The following DLGAP2 variants were observed in gnomAD, a reference collection of about 807,000 sequenced individuals.
DLGAP2 encodes the protein disks large-associated protein 2.
In DLGAP2, 26 loss-of-function variants were observed where a neutral mutation model predicts 100.3. The observed-to-expected ratio is 0.26, with a 90% CI of 0.19 to 0.36. DLGAP2 has a LOEUF of 0.36. Among genes scored for constraint, DLGAP2 ranks in the 10% least tolerant of loss-of-function variants. The pLI is 1.00. For missense variants in DLGAP2, 1,858 were observed against 1,453.2 expected, an observed-to-expected ratio of 1.28 and a Z score of -4.53; for synonymous variants, 886 against 630.1, an observed-to-expected ratio of 1.41 and a Z score of -6.08.
At chr8:786,247 G>A (rs1029909688) in intron 1 of DLGAP2, among the ~76,000 whole-genome samples, 8 of 152,122 alleles carry the variant, frequency 5.3e-5, no homozygotes, top group Non-Finnish European at 1.2e-4. Flanking sequence ...TGGTGTGTGG[G>A]GCGCCTCCGA....
chr8:803,869 C>T (rs1197461557), intron 1 of DLGAP2, among the ~76,000 whole-genome samples: 11 of 152,150 alleles, frequency 7.2e-5, no homozygotes, highest in Non-Finnish European at 1.5e-5. Context: ...TTGCTAGCAC[C>T]AGGAAGGAAC....
chr8:1,326,953 C>T (rs1801036410), intron 3 of DLGAP2, among the ~76,000 whole-genome samples: 1 of 152,184 alleles, frequency 6.6e-6, no homozygotes, highest in African/African-American at 2.4e-5. Context: ...GCTCTTTAGC[C>T]AGCATAAAAT....
At chr8:821,929 T>C (rs1465752062) in intron 1 of DLGAP2, among the ~76,000 whole-genome samples, 1 of 152,266 alleles carries the variant, frequency 6.6e-6, no homozygotes, top group Non-Finnish European at 1.5e-5. Context: ...GTGATTTTTA[T>C]ATACAGTTTC....
intron 3 of DLGAP2, among the ~76,000 whole-genome samples, chr8:1,308,814 C>T (rs545833718): frequency 2.1e-4 from 32 of 152,194 alleles, no homozygotes; most frequent in African/African-American, 7.2e-4. Context: ...CATGAGCCAC[C>T]GTGCCTGGCC....
intron 2 of DLGAP2, among the ~76,000 whole-genome samples, chr8:998,813 C>T (rs945442689): frequency 1.3e-5 from 2 of 152,180 alleles, no homozygotes; most frequent in African/African-American, 2.4e-5. Flanking sequence ...TCACTGTCCT[C>T]ATAACAGCAG....
At chr8:1,654,712 T>G (rs992272800) in intron 8 of DLGAP2, among the ~76,000 whole-genome samples, 2 of 151,192 alleles carry the variant, frequency 1.3e-5, no homozygotes, top group South Asian at 2.1e-4. Flanking sequence ...TACTTATCAA[T>G]TGGATTGGGA....
chr8:1,114,030 C>T (rs1171120664), intron 2 of DLGAP2, among the ~76,000 whole-genome samples: 2 of 152,220 alleles, frequency 1.3e-5, no homozygotes, highest in East Asian at 1.9e-4. Context: ...ACCAACCTTG[C>T]ATCCAGGAGA....
rs527608298 is a variant in DLGAP2, at chr8:1,385,731, T to G, written c.107-115635T>G. Among the ~76,000 whole-genome samples, 88 of 137,874 alleles carry G rather than the reference T, an allele frequency of 6.4e-4. 1 individual carries two copies. The highest frequency in any genetic ancestry group is 2.3e-3 in the African/African-American group (80 of 35,252). 90.5% of individuals were successfully genotyped at this position (137,874 alleles called of 152,430 possible). On this transcript the variant is annotated intron_variant, in intron 3 of 14. Coordinates refer to ENST00000637795, the MANE Select transcript of DLGAP2 (RefSeq NM_001346810.2). ...CGGCCTGTGCCCGTCCCCTGAGAACTTGGTGCACAGTTACCCCGGCCTATG... is the reference window on the plus strand; with the variant it reads ...CGGCCTGTGCCCGTCCCCTGAGAACGTGGTGCACAGTTACCCCGGCCTATG...
At chr8:834,903 G>A (rs1221384890) in intron 1 of DLGAP2, among the ~76,000 whole-genome samples, 1 of 152,164 alleles carries the variant, frequency 6.6e-6, no homozygotes, top group Non-Finnish European at 1.5e-5. Context: ...AAACTTTCTA[G>A]AATGAGACTT....
intron 1 of DLGAP2, among the ~76,000 whole-genome samples, chr8:817,206 G>C (rs1188136110): frequency 1.3e-5 from 2 of 151,310 alleles, no homozygotes; most frequent in Non-Finnish European, 2.9e-5. Context: ...TAATTTGAAA[G>C]CCTTGTCTTA....
At chr8:1,512,679 G>A (rs1800212217) in intron 4 of DLGAP2, among the ~76,000 whole-genome samples, 1 of 152,318 alleles carries the variant, frequency 6.6e-6, no homozygotes, top group South Asian at 2.1e-4. Flanking sequence ...AATTCTAGGA[G>A]GTTCAGCTGA....
At chr8:1,040,881 C>T (rs568871829) in intron 2 of DLGAP2, among the ~76,000 whole-genome samples, 17 of 152,170 alleles carry the variant, frequency 1.1e-4, no homozygotes, top group South Asian at 4.1e-4. Flanking sequence ...TTCCTCAGCA[C>T]GCACCCTCAT....
chr8:1,507,605 G>A (rs374906713), intron 4 of DLGAP2, among the ~76,000 whole-genome samples: 1 of 152,288 alleles, frequency 6.6e-6, no homozygotes, highest in Admixed American at 6.5e-5. Context: ...GGCCGGAGTG[G>A]GCGCCGAGGC....
intron 1 of DLGAP2, among the ~76,000 whole-genome samples, chr8:774,142 T>C (rs1409677881): frequency 6.6e-6 from 1 of 152,224 alleles, no homozygotes; most frequent in African/African-American, 2.4e-5. Context: ...TGCATAAATG[T>C]CTTCTTTTGA....
intron 2 of DLGAP2, among the ~76,000 whole-genome samples, chr8:1,143,776 A>C (rs1796560930): frequency 6.6e-6 from 1 of 152,050 alleles, no homozygotes; most frequent in Non-Finnish European, 1.5e-5. Flanking sequence ...AGTCACCAGC[A>C]CCTCTGTGTG....
At chr8:1,630,715 A>C (rs896878931) in intron 7 of DLGAP2, among the ~76,000 whole-genome samples, 3 of 152,104 alleles carry the variant, frequency 2.0e-5, no homozygotes, top group African/African-American at 4.8e-5. Flanking sequence ...AAAAAAAAAA[A>C]AGTTTGCCCT....
At chr8:1,172,407 T>C (rs1477664398) in intron 2 of DLGAP2, among the ~76,000 whole-genome samples, 1 of 151,546 alleles carries the variant, frequency 6.6e-6, no homozygotes, top group Admixed American at 6.6e-5. Context: ...GTTCTCTGTA[T>C]TTCCTGAATC....
intron 2 of DLGAP2, among the ~76,000 whole-genome samples, chr8:1,098,253 T>C (rs191366713): frequency 8.1e-4 from 124 of 152,294 alleles, no homozygotes; most frequent in African/African-American, 2.7e-3. Flanking sequence ...CAAAAATATG[T>C]TTACAATTTG....
chr8:1,669,438 A>AG (rs1554427347), intron 9 of DLGAP2, among the ~76,000 whole-genome samples: 4 of 152,220 alleles, frequency 2.6e-5, no homozygotes, highest in Non-Finnish European at 5.9e-5. Flanking sequence ...TGGGTCAGGT[A>AG]GCGCATCCCT....
Sources: gnomAD v4.1 joint callset for allele counts (sites outside exome capture counted in the v4.1 genomes callset) on GRCh38, gnomAD v4.1.1 for gene constraint, MANE v1.5 for transcripts, NCBI Gene and HGNC (gene_info 2026-07-23, HGNC 2026-07-21) for gene names.